ARFGAP1: variants seen among roughly 807,000 people sequenced by gnomAD.
The protein encoded by ARFGAP1 is ARF GTPase activating protein 1.
In ARFGAP1, 26 loss-of-function variants were observed where a neutral mutation model predicts 54.0. The observed-to-expected ratio is 0.48, with a 90% confidence interval of 0.35 to 0.67. ARFGAP1 has a LOEUF of 0.67. Ranked by LOEUF, ARFGAP1 falls within the 30% of genes least tolerant of loss-of-function variation. The pLI is 0.00. For missense variants in ARFGAP1, 525 were observed against 535.8 expected, an observed-to-expected ratio of 0.98 and a Z score of 0.20; for synonymous variants, 248 against 211.9, an observed-to-expected ratio of 1.17 and a Z score of -1.48.
chr20:63,283,936 G>C, intron 9 of ARFGAP1: 1 of 1,608,208 alleles, frequency 6.2e-7, no homozygotes, highest in East Asian at 2.2e-5. Flanking sequence ...GAATGTGCTT[G>C]GCTTCCTCTG....
At chr20:63,279,951 C>A (rs2067335268) in intron 7 of ARFGAP1, among the ~76,000 whole-genome samples, 1 of 152,082 alleles carries the variant, frequency 6.6e-6, no homozygotes. Context: ...CCAGCCTGGC[C>A]AATGTGGCGA....
At chr20:63,284,470 G>T (rs2067470761) in intron 9 of ARFGAP1, 1 of 1,110,106 alleles carries the variant, frequency 9.0e-7, no homozygotes, top group African/African-American at 1.6e-5. Context: ...TCCCTCCAGG[G>T]GGGACTCGGT....
intron 1 of ARFGAP1, 91 bp downstream of exon 1, chr20:63,273,011 C>T (rs2067141892): frequency 6.6e-6 from 1 of 152,110 alleles, no homozygotes; most frequent in South Asian, 2.1e-4. Context: ...CTCCCTGCCG[C>T]AGCCTCCTCC....
chr20:63,281,910 G>A (rs573907026), intron 8 of ARFGAP1, among the ~76,000 whole-genome samples: 2 of 152,262 alleles, frequency 1.3e-5, no homozygotes, highest in Admixed American at 6.5e-5. Context: ...AGGGCAGCGC[G>A]GGGCAGCTGG....
rs763100935 is a variant in ARFGAP1, at chr20:63,277,185, G to A, written c.343-20G>A. On this transcript the variant is annotated intron_variant, in intron 4 of 12. Transcript: ENST00000370283. ...GCCAGGCGCCTTTATGCTCTCGAAT[G>A]CCCTGTGTCTCCTTGTCAGGTGGTC... 1.2e-6 allele frequency: 2 copies of A among 1,606,898 alleles called. No individual in the cohort carries two copies. The highest frequency in any genetic ancestry group is 1.7e-6 in the Non-Finnish European group (2 of 1,176,786).
Position 63,281,362 on chromosome 20 carries a change from C to T in ARFGAP1, c.684+15C>T, listed in dbSNP as rs367622454. 1.0e-4 allele frequency: 160 copies of T among 1,590,538 alleles called. No homozygotes were observed. The highest frequency in any genetic ancestry group is 4.6e-4 in the Admixed American group (27 of 58,502). ...CCAAGGAGGGCGTAAGTCACTGCCC[C>T]TGCCATGCCACCGTCCCCACCAGGC... On this transcript the variant is annotated intron_variant, in intron 8 of 12. Coordinates refer to ENST00000370283, the MANE Select transcript of ARFGAP1 (RefSeq NM_018209.4).
chr20:63,284,279 G>A (rs2123293173), intron 9 of ARFGAP1: 1 of 1,112,050 alleles, frequency 9.0e-7, no homozygotes, highest in Non-Finnish European at 1.1e-6. Flanking sequence ...TCTTTGCTCT[G>A]TGACGAGTTC....
At chr20:63,278,087 G>A (rs1410071925) in intron 5 of ARFGAP1, 30 bp from the exon 6 acceptor site, 1 of 1,610,454 alleles carries the variant, frequency 6.2e-7, no homozygotes, top group Non-Finnish European at 8.5e-7. Flanking sequence ...CCCAGTTTTG[G>A]CCTTACCAGC....
chr20:63,282,795 C>T lies in ARFGAP1; in HGVS notation c.685-24C>T, dbSNP rs773262145. The T allele has an allele frequency of 3.1e-6, 5 of 1,613,946 alleles. No homozygotes were observed. In the South Asian group the frequency reaches 5.5e-5, roughly 18 times the overall value. On this transcript the variant is annotated intron_variant, in intron 8 of 12. Transcript: ENST00000370283. ...GGCAGCCCATGTTAAGTCTGTCAAG[C>T]CTTGTCTTTGTTTTTCATTTTAGGC...
intron 10 of ARFGAP1, 169 bp from the exon 11 acceptor site, chr20:63,285,485 T>C: frequency 1.4e-6 from 1 of 690,960 alleles, no homozygotes; most frequent in Non-Finnish European, 2.5e-6. Flanking sequence ...GGTTTCTTGA[T>C]GCTGGAATCC....
intron 8 of ARFGAP1, 41 bp from the exon 9 acceptor site, chr20:63,282,778 A>G (rs768779231): frequency 1.9e-6 from 3 of 1,611,870 alleles, no homozygotes; most frequent in Non-Finnish European, 1.7e-6. Context: ...CTGGCAGCCC[A>G]TGTTAAGTCT....
At position 63,276,621 on chromosome 20, in the gene ARFGAP1, C is replaced by T. The variant is rs2123219111; in HGVS notation, c.312C>T (p.Asn104=). Residue 104 remains asparagine (N), a synonymous_variant, in exon 4 of 13, where the codon AAC becomes AAT. Transcript: ENST00000370283. This position sits in a 1 kb window ranked among gnomAD's most constrained non-coding sequence, Gnocchi z 5.2. ...GCTGGTCCTTGCAGGAGAAGTACAA[C>T]AGCAGAGCCGCGGCCCTCTTTAGGG... The part of the protein sequence containing the change: ...DPCWSLQEKY[N]SRAAALFRDK... 6.2e-7 allele frequency: 1 copy of T among 1,613,202 alleles called. No individual in the cohort carries two copies. The highest frequency in any genetic ancestry group is 8.5e-7 in the Non-Finnish European group (1 of 1,179,640).
At chr20:63,284,681 TGGC>T in intron 9 of ARFGAP1, 182 bp from the exon 10 acceptor site, 1 of 1,436,174 alleles carries the variant, frequency 7.0e-7, no homozygotes, top group South Asian at 1.4e-5. Flanking sequence ...CTTCTAGAGG[TGGC>T]GGCCTACTGC....
intron 7 of ARFGAP1, among the ~76,000 whole-genome samples, chr20:63,280,773 C>T (rs2067359738): frequency 6.6e-6 from 1 of 152,234 alleles, no homozygotes. Flanking sequence ...GGTGATCTCT[C>T]AAGTGAGGGT....
At chr20:63,284,706 T>C (rs973124843) in intron 9 of ARFGAP1, 160 bp from the exon 10 acceptor site, 7 of 1,464,368 alleles carry the variant, frequency 4.8e-6, no homozygotes, top group Non-Finnish European at 6.3e-6. Context: ...CTTCGGGTGT[T>C]GTGTGCAAAG....
chr20:63,286,358 C>G lies in ARFGAP1; in HGVS notation c.835-8C>G, dbSNP rs1189502272. The G allele has an allele frequency of 7.4e-6, 12 of 1,613,280 alleles. No homozygotes were observed. The highest frequency in any genetic ancestry group is 1.7e-4 in the Middle Eastern group (1 of 6,060). Reference sequence around the variant, plus strand: ...GCCTGCCTAACCTCTCTTCCCGTCTCCTTCCAGGTCCAGGGAGTCGGTAGT... The same window carrying G: ...GCCTGCCTAACCTCTCTTCCCGTCTGCTTCCAGGTCCAGGGAGTCGGTAGT... On this transcript the variant is annotated splice_polypyrimidine_tract_variant and splice_region_variant and intron_variant, in intron 11 of 12. Coordinates refer to ENST00000370283, the MANE Select transcript of ARFGAP1 (RefSeq NM_018209.4).
intron 9 of ARFGAP1, chr20:63,284,069 G>T: frequency 7.1e-7 from 1 of 1,415,582 alleles, no homozygotes; most frequent in East Asian, 2.6e-5. Flanking sequence ...TTGGCTGTGT[G>T]TGCCTGTCAC....
intron 7 of ARFGAP1, among the ~76,000 whole-genome samples, chr20:63,279,938 A>G (rs1459133021): frequency 6.6e-6 from 1 of 152,216 alleles, no homozygotes; most frequent in East Asian, 1.9e-4. Flanking sequence ...CAGGAGTTCG[A>G]GACCAGCCTG....
In ARFGAP1 at chr20:63,287,802, G is replaced by A. The variant is rs1008965738; in HGVS notation, c.1150G>A (p.Gly384Arg). ...CAGCAACAGCGACGGCGGGGAGGGC[G>A]GGGAGGGCACCAAGAAGGCAGTGCC... The part of the protein sequence containing the change: ...RNSNSDGGEG[G>R]EGTKKAVPPA... The change falls in exon 13 of 13, where the codon GGG (glycine) becomes AGG (arginine). Residue 384 changes from glycine (G) to arginine (R), a missense_variant. Physicochemically the swap from Gly to Arg is moderately radical, Grantham distance 125. Coordinates refer to ENST00000370283, the MANE Select transcript of ARFGAP1 (RefSeq NM_018209.4). 8.1e-6 allele frequency: 13 copies of A among 1,597,786 alleles called. No individual in the cohort carries two copies. The highest frequency in any genetic ancestry group is 1.1e-5 in the South Asian group (1 of 88,786).
Sources: allele counts gnomAD v4.1 joint callset (sites outside exome capture counted in the v4.1 genomes callset), GRCh38; gene constraint gnomAD v4.1.1; non-coding constraint Gnocchi (gnomAD v3.1); transcripts MANE v1.5; gene names NCBI Gene and HGNC (gene_info 2026-07-23, HGNC 2026-07-21).